Variants in SYN2 observed in about 807,000 individuals in gnomAD.
SYN2 encodes the protein synapsin II.
In SYN2, 19 loss-of-function variants were observed where a neutral mutation model predicts 50.9. That is an observed-to-expected ratio of 0.37 (90% CI 0.26 to 0.55). The LOEUF is 0.55. SYN2 is among the 20% of genes least tolerant of loss of function. The pLI, the probability that SYN2 is intolerant of heterozygous loss-of-function variation, is 0.81. For synonymous variants in SYN2, 255 were observed against 224.9 expected (o/e 1.13, Z -1.20); for missense variants, 587 against 576.4 (o/e 1.02, Z -0.19).
At chr3:12,096,081 T>A (rs1695927135) in intron 1 of SYN2, among the ~76,000 whole-genome samples, 1 of 152,198 alleles carries the variant, frequency 6.6e-6, no homozygotes, top group Non-Finnish European at 1.5e-5. Context: ...TACCTTCCCC[T>A]GCCATTCATG....
chr3:12,145,838 G>C lies in SYN2; in HGVS notation c.684+3G>C, dbSNP rs1393505234. 6.2e-7 allele frequency: 1 copy of C among 1,613,776 alleles called. No homozygotes were observed. Among genetic ancestry groups the C allele is most frequent in the Non-Finnish European group, 8.5e-7 (1 of 1,179,816 alleles). On this transcript the variant is annotated splice_donor_region_variant and intron_variant, in intron 4 of 12. Transcript: ENST00000621198. ...ACTTCTGTGACAAGCCATGGGTGGTGAGTGAGGCCCCCTTCCCCCAAGTAA... is the reference window on the plus strand; with the variant it reads ...ACTTCTGTGACAAGCCATGGGTGGTCAGTGAGGCCCCCTTCCCCCAAGTAA...
intron 1 of SYN2, among the ~76,000 whole-genome samples, chr3:12,057,287 C>CTGTCTGTGTGTGTG (rs71044259): frequency 0.019 from 2,573 of 133,960 alleles, 108 homozygotes; most frequent in East Asian, 0.13. Context: ...GCAAGACTGT[C>CTGTCTGTGTGTGTG]TGTGTGTGTG....
At chr3:12,021,399 A>T (rs307612) in intron 1 of SYN2, among the ~76,000 whole-genome samples, 1 of 151,988 alleles carries the variant, frequency 6.6e-6, no homozygotes, top group South Asian at 2.1e-4. Context: ...GTTAATATCC[A>T]TAAAGCAGTA....
At chr3:12,090,237 G>A (rs1695797148) in intron 1 of SYN2, among the ~76,000 whole-genome samples, 1 of 152,148 alleles carries the variant, frequency 6.6e-6, no homozygotes, top group South Asian at 2.1e-4. Context: ...CTCTGGGGCT[G>A]TGGTCTTCAG....
chr3:12,172,637 C>T (rs1397118234), intron 10 of SYN2, among the ~76,000 whole-genome samples: 1 of 152,182 alleles, frequency 6.6e-6, no homozygotes, highest in Non-Finnish European at 1.5e-5. Flanking sequence ...CTTCAGTGTT[C>T]ACAGTTTTTA....
At chr3:12,086,835 T>G (rs547180553) in intron 1 of SYN2, among the ~76,000 whole-genome samples, 1 of 152,298 alleles carries the variant, frequency 6.6e-6, no homozygotes, top group East Asian at 1.9e-4. Context: ...CACTTCTATT[T>G]ATCATAATAC....
intron 1 of SYN2, among the ~76,000 whole-genome samples, chr3:12,009,284 C>G (rs1482208575): frequency 6.6e-6 from 1 of 151,674 alleles, no homozygotes; most frequent in Non-Finnish European, 1.5e-5. Flanking sequence ...ACTCACTTAG[C>G]TAATGGCAGA....
chr3:12,171,743 G>A (rs1697941825), intron 10 of SYN2, among the ~76,000 whole-genome samples: 2 of 152,150 alleles, frequency 1.3e-5, no homozygotes, highest in African/African-American at 2.4e-5. Flanking sequence ...ATCTTTGTGT[G>A]TAAAGTTAAA....
At chr3:12,006,881 C>G (rs1329221958) in intron 1 of SYN2, among the ~76,000 whole-genome samples, 2 of 152,156 alleles carry the variant, frequency 1.3e-5, no homozygotes, top group African/African-American at 4.8e-5. Context: ...AAAGATGAAT[C>G]TTGAAGAAAG....
intron 1 of SYN2, among the ~76,000 whole-genome samples, chr3:12,093,839 T>A (rs1346494349): frequency 6.7e-6 from 1 of 148,544 alleles, no homozygotes; most frequent in East Asian, 2.0e-4. Flanking sequence ...AAAAGTCTTA[T>A]AAGAAGGCTC....
chr3:12,112,816 T>A (rs530821198), intron 1 of SYN2, among the ~76,000 whole-genome samples: 33 of 152,066 alleles, frequency 2.2e-4, no homozygotes, highest in African/African-American at 6.7e-4. Flanking sequence ...AGTGCACTTT[T>A]AAAAAAAATA....
chr3:12,175,447 A>G (rs991273761), intron 10 of SYN2, among the ~76,000 whole-genome samples: 2 of 152,168 alleles, frequency 1.3e-5, no homozygotes, highest in African/African-American at 4.8e-5. Flanking sequence ...AGGCATTGTC[A>G]CCATTCCTCA....
chr3:12,029,391 T>C (rs1327586787), intron 1 of SYN2, among the ~76,000 whole-genome samples: 1 of 126,892 alleles, frequency 7.9e-6, no homozygotes, highest in East Asian at 2.2e-4. Context: ...AACTTTAAAG[T>C]AGTTTTTTCC....
intron 1 of SYN2, among the ~76,000 whole-genome samples, chr3:12,086,818 C>T (rs1242958458): frequency 6.6e-6 from 1 of 152,142 alleles, no homozygotes; most frequent in African/African-American, 2.4e-5. Flanking sequence ...CAGGATGCTA[C>T]TCTTGCCACT....
At chr3:12,044,783 A>G (rs1481490035) in intron 1 of SYN2, among the ~76,000 whole-genome samples, 1 of 152,224 alleles carries the variant, frequency 6.6e-6, no homozygotes, top group Non-Finnish European at 1.5e-5. Flanking sequence ...ATTGTGCTCT[A>G]TGGCATTGGG....
chr3:12,091,858 C>G (rs1292428053), intron 1 of SYN2, among the ~76,000 whole-genome samples: 2 of 152,094 alleles, frequency 1.3e-5, no homozygotes, highest in African/African-American at 4.8e-5. Context: ...TCTATAAAGA[C>G]TTACTTGGAT....
At chr3:12,148,318 G>A (rs6768568) in intron 4 of SYN2, among the ~76,000 whole-genome samples, 7,531 of 152,216 alleles carry the variant, frequency 0.049, 212 homozygotes, top group Non-Finnish European at 0.066. Flanking sequence ...TCCCTGGCCA[G>A]ACCCCAAGTT....
At chr3:12,113,672 T>C (rs1696372627) in intron 1 of SYN2, among the ~76,000 whole-genome samples, 1 of 152,206 alleles carries the variant, frequency 6.6e-6, no homozygotes, top group South Asian at 2.1e-4. Flanking sequence ...TAACTTATTC[T>C]AATATTTAAT....
chr3:12,078,368 C>T (rs1226861135), intron 1 of SYN2, among the ~76,000 whole-genome samples: 2 of 150,406 alleles, frequency 1.3e-5, no homozygotes, highest in Non-Finnish European at 3.0e-5. Flanking sequence ...TTCATCATGA[C>T]ATCTTTGTCT....
Sources: gnomAD v4.1 joint callset for allele counts (sites outside exome capture counted in the v4.1 genomes callset) on GRCh38, gnomAD v4.1.1 for gene constraint, MANE v1.5 for transcripts, NCBI Gene and HGNC (gene_info 2026-07-23, HGNC 2026-07-21) for gene names.